The following LHX8 variants were observed in gnomAD, a reference collection of about 807,000 sequenced individuals.
The protein encoded by LHX8 is LIM homeobox 8, also known as LIM/homeobox protein Lhx8.
Under a neutral mutation model 40.3 loss-of-function variants are expected in LHX8, and 12 were observed. The ratio of observed to expected loss-of-function variants is 0.30; its 90% CI spans 0.19 to 0.48. The LOEUF is 0.48. LHX8 is among the 20% of genes least tolerant of loss of function. The probability of loss-of-function intolerance (pLI) is 0.99; values close to 1 mark genes in which losing one functional copy is unlikely to be tolerated. For synonymous variants in LHX8, 179 were observed against 162.0 expected (o/e 1.10, Z -0.80); for missense variants, 344 against 433.7 (o/e 0.79, Z 1.84).
intron 6 of LHX8, 150 bp downstream of exon 6, chr1:75,144,098 C>T: frequency 1.5e-6 from 1 of 670,888 alleles, no homozygotes; most frequent in Non-Finnish European, 2.7e-6. Flanking sequence ...TATATGAAAA[C>T]ATACTTATTG....
Position 75,161,285 on chromosome 1 carries a change from A to G in LHX8, c.*390A>G, listed in dbSNP as rs1249917317. Reference sequence around the variant, plus strand: ...TTAGTTTGTATCTGTAAGTTATTGTAATAAATATTACCTGTATTTTTTGTT... The same window carrying G: ...TTAGTTTGTATCTGTAAGTTATTGTGATAAATATTACCTGTATTTTTTGTT... On this transcript the variant is annotated 3_prime_UTR_variant, in exon 9 of 9. Transcript: ENST00000356261. 1 of 204,292 alleles carries G rather than the reference A, an allele frequency of 4.9e-6. No homozygotes were observed. Among genetic ancestry groups the G allele is most frequent in the African/African-American group, 2.4e-5 (1 of 42,166 alleles). 12.7% of individuals were successfully genotyped at this position (204,292 alleles called of 1,614,324 possible).
At position 75,148,697 on chromosome 1, in the gene LHX8, T is replaced by A. The variant is rs1384072541; in HGVS notation, c.780+15T>A. On this transcript the variant is annotated intron_variant, in intron 7 of 8. Coordinates refer to ENST00000356261, the MANE Select transcript of LHX8 (RefSeq NM_001256114.2). ...GTGTGATACAGGTGATTACTTTACT[T>A]TTTTTTTTTTTTAAGGTTTTTAAAA... 1.2e-6 allele frequency: 1 copy of A among 815,678 alleles called. No homozygotes were observed. The highest frequency in any genetic ancestry group is 3.3e-5 in the Admixed American group (1 of 30,498). 50.5% of individuals were successfully genotyped at this position (815,678 alleles called of 1,614,324 possible). A position where few individuals can be genotyped will look rare whatever the true frequency, so the allele number is the denominator to read the frequency against.
At chr1:75,195,667 G>T in the LHX8 span, among the ~76,000 whole-genome samples, 10 of 152,036 alleles carry the variant, frequency 6.6e-5, no homozygotes, top group Admixed American at 6.5e-4. Context: ...CCCAGCTTCG[G>T]TCACTCATCA....
the LHX8 span, among the ~76,000 whole-genome samples, chr1:75,192,385 A>G: frequency 3.9e-5 from 6 of 152,176 alleles, no homozygotes. Flanking sequence ...ATTTCTAGCC[A>G]TATCTCCTTG....
chr1:75,130,850 C>A (rs908178705), upstream of LHX8: 6 of 972,710 alleles, frequency 6.2e-6, no homozygotes, highest in African/African-American at 8.0e-5. Context: ...TAACCCTGAA[C>A]CAAGTGTGAC....
chr1:75,140,903 G>GT (rs568572409), intron 3 of LHX8, 82 bp from the exon 4 acceptor site: 5 of 1,425,798 alleles, frequency 3.5e-6, no homozygotes, highest in Non-Finnish European at 4.9e-6. Context: ...TAAGGGGCCA[G>GT]TTTTTTAAAT....
chr1:75,173,532 A>G, the LHX8 span, among the ~76,000 whole-genome samples: 4 of 151,386 alleles, frequency 2.6e-5, no homozygotes, highest in African/African-American at 9.7e-5. Context: ...TCAGGCGCCC[A>G]CCACCACGCC....
chr1:75,152,376 C>T (rs1350295560), intron 7 of LHX8, among the ~76,000 whole-genome samples: 1 of 152,110 alleles, frequency 6.6e-6, no homozygotes, highest in East Asian at 1.9e-4. Flanking sequence ...CACACTGCAT[C>T]CAGATACAAT....
the LHX8 span, among the ~76,000 whole-genome samples, chr1:75,194,321 T>C: frequency 2.0e-5 from 3 of 152,100 alleles, no homozygotes; most frequent in Admixed American, 6.6e-5. Flanking sequence ...GTTAGGGAGA[T>C]AGTGAGGGGG....
the LHX8 span, among the ~76,000 whole-genome samples, chr1:75,195,602 T>C: frequency 1.3e-5 from 2 of 152,098 alleles, no homozygotes; most frequent in African/African-American, 4.8e-5. Context: ...GGGGCTCCCA[T>C]TGTCCTCCTG....
chr1:75,183,403 A>C, the LHX8 span, among the ~76,000 whole-genome samples: 1 of 152,174 alleles, frequency 6.6e-6, no homozygotes, highest in Non-Finnish European at 1.5e-5. Flanking sequence ...CTACAAAGGG[A>C]ACCTCATCAG....
At chr1:75,133,824 G>A (rs1648038507), upstream of LHX8, among the ~76,000 whole-genome samples, 1 of 152,144 alleles carries the variant, frequency 6.6e-6, no homozygotes, top group African/African-American at 2.4e-5. Context: ...TGTCTTTCTT[G>A]TAGCCTTGAT....
At chr1:75,188,876 T>A in the LHX8 span, among the ~76,000 whole-genome samples, 1,647 of 152,298 alleles carry the variant, frequency 0.011, 83 homozygotes, top group Admixed American at 0.09. Flanking sequence ...CAGACTTTTT[T>A]AAATCAATTC....
At chr1:75,181,692 C>T in the LHX8 span, among the ~76,000 whole-genome samples, 1 of 152,314 alleles carries the variant, frequency 6.6e-6, no homozygotes, top group East Asian at 1.9e-4. Context: ...GGCTGGCTCT[C>T]CAAGGGCTGC....
At chr1:75,152,778 T>G (rs904543554) in intron 7 of LHX8, among the ~76,000 whole-genome samples, 1 of 152,190 alleles carries the variant, frequency 6.6e-6, no homozygotes, top group Non-Finnish European at 1.5e-5. Context: ...TTTCCCCAAC[T>G]CAGAAGAATC....
intron 8 of LHX8, among the ~76,000 whole-genome samples, chr1:75,158,223 T>C (rs1648822371): frequency 6.6e-6 from 1 of 152,246 alleles, no homozygotes; most frequent in Non-Finnish European, 1.5e-5. Context: ...TTTGGCCTAC[T>C]GGCTTGTCTT....
At chr1:75,192,998 GATTTATTAC>G in the LHX8 span, among the ~76,000 whole-genome samples, 17 of 152,134 alleles carry the variant, frequency 1.1e-4, no homozygotes, top group African/African-American at 2.7e-4. Flanking sequence ...CCAGCTAGGT[GATTTATTAC>G]ATTTTTCATT....
chr1:75,171,752 C>T, the LHX8 span, among the ~76,000 whole-genome samples: 8 of 152,052 alleles, frequency 5.3e-5, no homozygotes, highest in Non-Finnish European at 7.4e-5. Flanking sequence ...AGGTTTCAGA[C>T]GATGACTTAT....
the LHX8 span, among the ~76,000 whole-genome samples, chr1:75,196,114 A>G: frequency 2.0e-5 from 3 of 152,322 alleles, no homozygotes; most frequent in East Asian, 5.8e-4. Flanking sequence ...TCCATTCAGA[A>G]GGATTTTAAT....
Sources: allele counts gnomAD v4.1 joint callset (sites outside exome capture counted in the v4.1 genomes callset), GRCh38; gene constraint gnomAD v4.1.1; transcripts MANE v1.5; gene names NCBI Gene and HGNC (gene_info 2026-07-23, HGNC 2026-07-21).